Variants in TDRD9 observed in about 807,000 individuals in gnomAD.
The protein encoded by TDRD9 is ATP-dependent RNA helicase TDRD9.
TDRD9 carries 124 observed loss-of-function variants against 172.6 expected under a neutral mutation model. The ratio of observed to expected loss-of-function variants is 0.72; its 90% confidence interval spans 0.62 to 0.83. The LOEUF is 0.83. Among genes scored for constraint, TDRD9 ranks in the 40% least tolerant of loss-of-function variants. TDRD9 has a pLI of 0.00. For synonymous variants in TDRD9, 619 were observed against 617.1 expected (o/e 1.00, Z -0.05); for missense variants, 1,479 against 1,714.1 (o/e 0.86, Z 2.42).
intron 7 of TDRD9, among the ~76,000 whole-genome samples, chr14:103,981,407 C>T (rs1226161970): frequency 6.6e-6 from 1 of 152,178 alleles, no homozygotes; most frequent in African/African-American, 2.4e-5. Flanking sequence ...CAAGACAACC[C>T]AGCTTCTAGG....
intron 30 of TDRD9, among the ~76,000 whole-genome samples, chr14:104,033,279 G>A (rs754945253): frequency 6.6e-6 from 1 of 152,168 alleles, no homozygotes; most frequent in African/African-American, 2.4e-5. Context: ...GGCCTCTGGC[G>A]ATCTGCCTGT....
intron 2 of TDRD9, among the ~76,000 whole-genome samples, chr14:103,956,150 A>ATATATATAT (rs2032229424): frequency 9.4e-6 from 1 of 106,216 alleles, no homozygotes; most frequent in African/African-American, 3.6e-5. Flanking sequence ...ATATATATAT[A>ATATATATAT]ATTATTAGGC....
rs1283001925 is a variant in TDRD9, at chr14:103,974,453, C to G, written c.847-936C>G. ...ATTTCATATTTGCTTTTTGACAAAACTGGAAGCTGCAGTCAGTCATCTTGC... is the reference window on the plus strand; with the variant it reads ...ATTTCATATTTGCTTTTTGACAAAAGTGGAAGCTGCAGTCAGTCATCTTGC... On this transcript the variant is annotated intron_variant, in intron 6 of 35. Transcript: ENST00000409874. 2.0e-5 allele frequency among the ~76,000 whole-genome samples: 3 copies of G among 152,114 alleles called. No individual in the cohort carries two copies. The East Asian group carries it at 5.8e-4, about 29-fold the overall frequency.
Position 104,026,928 on chromosome 14 carries a change from T to C in TDRD9, c.3271T>C (p.Tyr1091His), listed in dbSNP as rs1267217041. 3 of 1,613,846 alleles carry C rather than the reference T, an allele frequency of 1.9e-6. No homozygotes were observed. Among genetic ancestry groups the C allele is most frequent in the Non-Finnish European group, 2.5e-6 (3 of 1,179,794 alleles). Reference protein sequence around the residue: ...QGYAELTEESYESKQSHEVLK... With the variant: ...QGYAELTEESHESKQSHEVLK... ...CTATGCCGAGCTCACGGAGGAGTCC[T>C]ACGAGTCCAAGGTGTGTGCTTTCGC... Residue 1091 changes from tyrosine to histidine, a missense_variant, in exon 28 of 36, where the codon TAC becomes CAC. By Grantham distance (83) the Tyr-to-His change is moderately conservative. Coordinates refer to ENST00000409874, the MANE Select transcript of TDRD9 (RefSeq NM_153046.3).
chr14:103,948,688 T>C (rs8018392), intron 1 of TDRD9, among the ~76,000 whole-genome samples: 2,265 of 152,242 alleles, frequency 0.015, 66 homozygotes, highest in African/African-American at 0.052. Flanking sequence ...GAGGACATTA[T>C]GCTAAATAAG....
At chr14:103,940,783 A>C in intron 1 of TDRD9, 1 of 1,498,942 alleles carries the variant, frequency 6.7e-7, no homozygotes, top group Non-Finnish European at 9.0e-7. Context: ...GTGTTCATAA[A>C]AACCCCTCTA....
intron 2 of TDRD9, among the ~76,000 whole-genome samples, chr14:103,959,684 AAGT>A (rs1191087925): frequency 1.3e-5 from 2 of 152,168 alleles, no homozygotes; most frequent in Admixed American, 6.6e-5. Context: ...TTTCACTTAT[AAGT>A]ATTAAAAATT....
At chr14:103,963,360 A>G (rs1340835872) in intron 3 of TDRD9, among the ~76,000 whole-genome samples, 184 bp downstream of exon 3, 1 of 152,252 alleles carries the variant, frequency 6.6e-6, no homozygotes, top group East Asian at 1.9e-4. Context: ...TGTAGTAACC[A>G]TATCGATGGC....
chr14:104,027,064 T>C (rs2035146816), intron 28 of TDRD9, 125 bp downstream of exon 28: 3 of 1,072,476 alleles, frequency 2.8e-6, no homozygotes, highest in East Asian at 5.2e-5. Context: ...TTTGGTTTGC[T>C]GTACTTGTGT....
chr14:104,011,193 C>A (rs1464043097), intron 20 of TDRD9, among the ~76,000 whole-genome samples: 2 of 152,202 alleles, frequency 1.3e-5, no homozygotes, highest in Non-Finnish European at 2.9e-5. Context: ...GGATTTCCCA[C>A]TGTTGACCCA....
intron 1 of TDRD9, among the ~76,000 whole-genome samples, chr14:103,947,887 T>C (rs1216651193): frequency 6.6e-6 from 1 of 152,150 alleles, no homozygotes; most frequent in African/African-American, 2.4e-5. Context: ...GAAAGATTTG[T>C]ATATCAAAAA....
At chr14:104,033,209 A>G (rs1429243619) in intron 30 of TDRD9, among the ~76,000 whole-genome samples, 1 of 152,170 alleles carries the variant, frequency 6.6e-6, no homozygotes, top group Admixed American at 6.5e-5. Context: ...CGGGGAGCAC[A>G]TTGGAAATGC....
intron 7 of TDRD9, among the ~76,000 whole-genome samples, chr14:103,977,186 C>G (rs893277697): frequency 6.6e-6 from 1 of 151,872 alleles, no homozygotes; most frequent in Non-Finnish European, 1.5e-5. Flanking sequence ...ACTTATTTGC[C>G]CATTAAAAAA....
chr14:104,004,861 A>G (rs886892764), intron 14 of TDRD9, among the ~76,000 whole-genome samples: 32 of 152,262 alleles, frequency 2.1e-4, no homozygotes, highest in African/African-American at 7.7e-4. Context: ...TATGGGCTCT[A>G]TAATAGGATT....
chr14:103,948,863 C>G (rs1336027020), intron 1 of TDRD9, among the ~76,000 whole-genome samples: 1 of 134,714 alleles, frequency 7.4e-6, no homozygotes, highest in Non-Finnish European at 1.5e-5. Context: ...AGAGCAAGAC[C>G]CTGTGACAGA....
At chr14:104,024,988 G>A (rs920615551) in intron 25 of TDRD9, among the ~76,000 whole-genome samples, 4 of 152,186 alleles carry the variant, frequency 2.6e-5, no homozygotes, top group Admixed American at 6.5e-5. Flanking sequence ...AAAAAAAAGT[G>A]TGTATATTTT....
intron 20 of TDRD9, among the ~76,000 whole-genome samples, chr14:104,012,327 G>C (rs2034638590): frequency 6.6e-6 from 1 of 152,242 alleles, no homozygotes; most frequent in African/African-American, 2.4e-5. Context: ...CCAGGGCCAA[G>C]CCTTTCTCTG....
At chr14:103,929,021 C>T (rs2030181780) in intron 1 of TDRD9, 1 of 169,948 alleles carries the variant, frequency 5.9e-6, no homozygotes, top group African/African-American at 2.4e-5. Context: ...GCAGAGGTCC[C>T]ATAGGCCCCT....
chr14:103,990,657 G>C (rs954485912), intron 8 of TDRD9, among the ~76,000 whole-genome samples: 3 of 152,188 alleles, frequency 2.0e-5, no homozygotes, highest in African/African-American at 7.2e-5. Context: ...TGTTACTGCT[G>C]TATCTTACAC....
Sources: allele counts gnomAD v4.1 joint callset (sites outside exome capture counted in the v4.1 genomes callset), GRCh38; gene constraint gnomAD v4.1.1; transcripts MANE v1.5; gene names NCBI Gene and HGNC (gene_info 2026-07-23, HGNC 2026-07-21).